ANK2: variants seen among roughly 807,000 people sequenced by gnomAD.
ANK2 encodes ankyrin-2.
ANK2 carries 83 observed loss-of-function variants against 360.5 expected under a neutral mutation model. That is an observed-to-expected ratio of 0.23 (90% CI 0.19 to 0.28). The LOEUF is 0.28. ANK2 is among the 10% of genes least tolerant of loss of function. The pLI is 1.00. For missense variants in ANK2, 4,201 were observed against 4,795.7 expected (o/e 0.88, Z 3.66); for synonymous variants, 1,740 against 1,759.5 (o/e 0.99, Z 0.28).
intron 2 of ANK2, among the ~76,000 whole-genome samples, chr4:113,039,079 G>A (rs948232509): frequency 5.9e-5 from 9 of 152,082 alleles, no homozygotes; most frequent in Non-Finnish European, 1.2e-4. Flanking sequence ...CTGGATGGTA[G>A]TTAAAAGTTA....
rs1374024105 is a variant in ANK2 at position 113,357,049 on chromosome 4, T to C, written c.8431T>C (p.Ser2811Pro). The C allele has an allele frequency of 6.2e-7, 1 of 1,613,998 alleles. No individual in the cohort carries two copies. Among genetic ancestry groups the C allele is most frequent in the East Asian group, 2.2e-5 (1 of 44,856 alleles). ...VDEQPVIYKE[S>P]LALQGTHEKD... is the part of the protein sequence containing the mutation. ...TGAACAGCCAGTCATCTATAAAGAA[T>C]CATTAGCTCTCCAAGGCACTCATGA... Residue 2811 changes from serine (S) to proline (P), a missense_variant, in exon 38 of 46, where the codon TCA becomes CCA. Ser to Pro is a moderately conservative substitution (Grantham distance 74). Around this residue, in one of 4 missense-constraint regions of ANK2, gnomAD observed 2,642 missense variants for 2,714.5 expected, o/e 0.97. Coordinates refer to ENST00000357077, the MANE Select transcript of ANK2 (RefSeq NM_001148.6).
At chr4:113,048,914 CCAGACACACACACA>C (rs1370559656), upstream of ANK2, among the ~76,000 whole-genome samples, 2 of 108,908 alleles carry the variant, frequency 1.8e-5, no homozygotes, top group African/African-American at 7.2e-5. Flanking sequence ...CTCCCCCTAC[CCAGACACACACACA>C]CACACACACA....
chr4:113,233,482 C>G (rs900767308), intron 5 of ANK2, among the ~76,000 whole-genome samples: 1 of 152,116 alleles, frequency 6.6e-6, no homozygotes, highest in Non-Finnish European at 1.5e-5. Context: ...TTTCAAAACT[C>G]CTGGCCTGAA....
chr4:112,982,430 G>T (rs780497487), intron 2 of ANK2, among the ~76,000 whole-genome samples: 2 of 152,096 alleles, frequency 1.3e-5, no homozygotes, highest in South Asian at 4.2e-4. Context: ...ACATCCACTC[G>T]GTAGCATAAG....
chr4:113,006,591 G>A (rs1010376271), intron 2 of ANK2, among the ~76,000 whole-genome samples: 2 of 152,114 alleles, frequency 1.3e-5, no homozygotes, highest in Non-Finnish European at 2.9e-5. Flanking sequence ...ATGGGCACAG[G>A]ATTTCTACAG....
chr4:113,237,326 G>A (rs1391676993), intron 6 of ANK2, among the ~76,000 whole-genome samples, 154 bp downstream of exon 6: 1 of 151,964 alleles, frequency 6.6e-6, no homozygotes, highest in East Asian at 1.9e-4. Flanking sequence ...AGAAAGAAGG[G>A]GACCATCTAA....
chr4:113,075,377 G>A lies in ANK2; in HGVS notation c.84+25565G>A, dbSNP rs527720614. Among the ~76,000 whole-genome samples, 4 of 152,202 alleles carry A rather than the reference G, an allele frequency of 2.6e-5. No individual in the cohort carries two copies. The East Asian group carries it at 7.7e-4, about 29-fold the overall frequency. Reference sequence around the variant, plus strand: ...CATCTAAATATGTTTCTTTGTATAGGTGTTCTCTCCAGTTCCAGTCTTTAT... The same window carrying A: ...CATCTAAATATGTTTCTTTGTATAGATGTTCTCTCCAGTTCCAGTCTTTAT... On this transcript the variant is annotated intron_variant, in intron 1 of 45. Transcript: ENST00000357077.
intron 1 of ANK2, among the ~76,000 whole-genome samples, chr4:113,058,614 G>T (rs1173628517): frequency 6.6e-6 from 1 of 151,984 alleles, no homozygotes; most frequent in Non-Finnish European, 1.5e-5. Flanking sequence ...CTAAATGCTT[G>T]CCCAGAATTC....
At chr4:113,226,419 A>G (rs1195329648) in intron 4 of ANK2, among the ~76,000 whole-genome samples, 1 of 152,074 alleles carries the variant, frequency 6.6e-6, no homozygotes, top group Non-Finnish European at 1.5e-5. Context: ...TTCTCTTTCA[A>G]ATACCTTGCC....
intron 2 of ANK2, among the ~76,000 whole-genome samples, chr4:112,994,484 A>G (rs759998169): frequency 1.3e-5 from 2 of 152,206 alleles, no homozygotes; most frequent in African/African-American, 4.8e-5. Flanking sequence ...GCTAAAAAGT[A>G]TTGTGGGAGT....
At chr4:112,805,448 A>G in the ANK2 span, among the ~76,000 whole-genome samples, 2 of 152,144 alleles carry the variant, frequency 1.3e-5, no homozygotes. Flanking sequence ...TGTGCTCGCT[A>G]TGCACCAGGC....
the ANK2 span, among the ~76,000 whole-genome samples, chr4:112,772,176 A>G: frequency 6.6e-6 from 1 of 152,018 alleles, no homozygotes; most frequent in Admixed American, 6.6e-5. Flanking sequence ...AGTTTAATGG[A>G]CTCACATCAC....
intron 2 of ANK2, among the ~76,000 whole-genome samples, chr4:113,024,044 C>T (rs2058730840): frequency 6.6e-6 from 1 of 152,078 alleles, no homozygotes; most frequent in African/African-American, 2.4e-5. Flanking sequence ...GAAAGGTAGA[C>T]TTCAATTTAA....
In ANK2 at chr4:113,353,425, G is replaced by T; in HGVS notation, c.4807G>T (p.Ala1603Ser). ...TGTCAGTGATGAGGAAATAGAAGAG[G>T]CTAGGCAAAAAGCACCTTTAGAAAT... Reference protein sequence around the residue: ...VIVSDEEIEEARQKAPLEITE... With the variant: ...VIVSDEEIEESRQKAPLEITE... Residue 1603 changes from alanine (A) to serine (S), a missense_variant, in exon 38 of 46, where the codon GCT becomes TCT. Around this residue, in one of 4 missense-constraint regions of ANK2, gnomAD observed 1,268 missense variants for 1,650.8 expected, o/e 0.77. Transcript: ENST00000357077. The T allele has an allele frequency of 6.2e-7, 1 of 1,614,016 alleles. No homozygotes were observed. The highest frequency in any genetic ancestry group is 8.5e-7 in the Non-Finnish European group (1 of 1,179,964).
the ANK2 span, among the ~76,000 whole-genome samples, chr4:112,780,802 A>G: frequency 7.2e-5 from 11 of 152,260 alleles, no homozygotes; most frequent in Admixed American, 2.0e-4. Flanking sequence ...GAACAGCATG[A>G]GGGACACTGC....
the ANK2 span, among the ~76,000 whole-genome samples, chr4:112,763,998 C>G: frequency 6.6e-6 from 1 of 152,162 alleles, no homozygotes; most frequent in Non-Finnish European, 1.5e-5. Context: ...GGCTGGAGTG[C>G]AGTGGTGCCA....
At chr4:113,329,414 T>C (rs1442173900) in intron 26 of ANK2, among the ~76,000 whole-genome samples, 2 of 152,154 alleles carry the variant, frequency 1.3e-5, no homozygotes, top group African/African-American at 4.8e-5. Context: ...AGGAGAAAAA[T>C]TAATAGGGAT....
At chr4:113,050,490 C>G (rs73843305) in intron 1 of ANK2, among the ~76,000 whole-genome samples, 9 of 152,188 alleles carry the variant, frequency 5.9e-5, no homozygotes, top group African/African-American at 2.2e-4. Flanking sequence ...CCCACACCCT[C>G]GATTTTCATG....
chr4:113,022,123 G>C (rs1018675054), intron 2 of ANK2, among the ~76,000 whole-genome samples: 3 of 152,130 alleles, frequency 2.0e-5, no homozygotes, highest in African/African-American at 2.4e-5. Flanking sequence ...CCCTACCTGG[G>C]AAGGGAAAAT....
Sources: allele counts gnomAD v4.1 joint callset (sites outside exome capture counted in the v4.1 genomes callset), GRCh38; gene constraint gnomAD v4.1.1; regional missense constraint gnomAD v4.1.1; transcripts MANE v1.5; gene names NCBI Gene and HGNC (gene_info 2026-07-23, HGNC 2026-07-21).